Variants in ATP2C2 observed in about 807,000 individuals in gnomAD.
ATP2C2 encodes calcium-transporting ATPase type 2C member 2.
In ATP2C2, 171 loss-of-function variants were observed where a neutral mutation model predicts 110.8. The ratio of observed to expected loss-of-function variants is 1.54; its 90% confidence interval spans 1.36 to 1.75. The LOEUF is 1.75. Among genes scored for constraint, ATP2C2 ranks in the 40% most tolerant of loss-of-function variants. The probability of loss-of-function intolerance (pLI) is 0.00; values close to 1 mark genes in which losing one functional copy is unlikely to be tolerated. For missense variants in ATP2C2, 1,963 were observed against 1,235.0 expected, an observed-to-expected ratio of 1.59 and a Z score of -8.84; for synonymous variants, 804 against 508.4, an observed-to-expected ratio of 1.58 and a Z score of -7.82.
At chr16:84,400,753 A>G (rs1034517259) in intron 2 of ATP2C2, among the ~76,000 whole-genome samples, 3 of 152,214 alleles carry the variant, frequency 2.0e-5, no homozygotes, top group Admixed American at 6.5e-5. Context: ...ACTTTTGGAT[A>G]AAAGCCATTT....
chr16:84,417,080 A>G (rs1022602309), intron 7 of ATP2C2, among the ~76,000 whole-genome samples: 76 of 152,182 alleles, frequency 5.0e-4, no homozygotes, highest in African/African-American at 1.8e-3. Context: ...CCATCATTCA[A>G]AGCCTTGTGA....
In ATP2C2 at chr16:84,425,919, C is replaced by A. The variant is rs531720282; in HGVS notation, c.986+118C>A. 1.4e-5 allele frequency: 18 copies of A among 1,259,166 alleles called. 1 individual carries two copies. The East Asian group carries it at 3.3e-4, about 23-fold the overall frequency. The allele number at this position is 1,259,166 out of a possible 1,614,324, so 78.0% of individuals were successfully genotyped here. On this transcript the variant is annotated intron_variant, in intron 11 of 26. Transcript: ENST00000262429. ...ATAGGAAGGGTTGGGAAGGTGCAGC[C>A]CCGTCACCCAAACTCCAGCCTCCCA...
At position 84,459,171 on chromosome 16, in the gene ATP2C2, C is replaced by G. The variant is rs750942130; in HGVS notation, c.2199C>G (p.Val733=). The change falls in exon 22 of 27, where the codon GTC becomes GTG. Residue 733 remains valine (V), a synonymous_variant. Transcript: ENST00000262429. ...TTTTTTACAACATCAAAAACTTTGTCCGATTCCAGCTGAGCACGTAAGTAG... is the reference window on the plus strand; with the variant it reads ...TTTTTTACAACATCAAAAACTTTGTGCGATTCCAGCTGAGCACGTAAGTAG... ...KGIFYNIKNF[V]RFQLSTSISA... 1.2e-6 allele frequency: 2 copies of G among 1,614,196 alleles called. No homozygotes were observed. Among genetic ancestry groups the G allele is most frequent in the African/African-American group, 1.3e-5 (1 of 75,062 alleles).
chr16:84,376,930 C>G (rs1214037637), intron 1 of ATP2C2, among the ~76,000 whole-genome samples: 1 of 152,216 alleles, frequency 6.6e-6, no homozygotes, highest in African/African-American at 2.4e-5. Flanking sequence ...AACATCCAAT[C>G]GATACCTCCC....
At chr16:84,445,011 C>T (rs999480001) in intron 15 of ATP2C2, among the ~76,000 whole-genome samples, 1 of 152,102 alleles carries the variant, frequency 6.6e-6, no homozygotes, top group Admixed American at 6.5e-5. Flanking sequence ...GTAACCAAAA[C>T]ACACTGAAAC....
chr16:84,459,228 C>G, intron 22 of ATP2C2, 40 bp downstream of exon 22: 1 of 1,614,104 alleles, frequency 6.2e-7, no homozygotes, highest in South Asian at 1.1e-5. Context: ...TTAAGCACCA[C>G]GCCTGGCGGG....
chr16:84,451,511 C>T (rs1233503206), intron 17 of ATP2C2, among the ~76,000 whole-genome samples: 1 of 152,208 alleles, frequency 6.6e-6, no homozygotes, highest in Non-Finnish European at 1.5e-5. Flanking sequence ...GAGCCCTCTG[C>T]AGACCGAGGA....
At chr16:84,386,011 C>A (rs1357732569) in intron 1 of ATP2C2, among the ~76,000 whole-genome samples, 1 of 152,172 alleles carries the variant, frequency 6.6e-6, no homozygotes, top group Non-Finnish European at 1.5e-5. Flanking sequence ...CAACGGGAAC[C>A]CTTTCAAGGT....
At chr16:84,432,756 G>C (rs1002433882) in intron 11 of ATP2C2, among the ~76,000 whole-genome samples, 23 of 152,118 alleles carry the variant, frequency 1.5e-4, no homozygotes, top group Admixed American at 1.5e-3. Context: ...CCTGACCTCA[G>C]GTGATCTGCC....
chr16:84,390,397 G>C (rs1402736765), intron 1 of ATP2C2, among the ~76,000 whole-genome samples: 2 of 152,230 alleles, frequency 1.3e-5, no homozygotes, highest in African/African-American at 4.8e-5. Flanking sequence ...CGTCAGTCCT[G>C]AGCTGCGCTT....
chr16:84,428,536 C>G (rs887050639), intron 11 of ATP2C2, among the ~76,000 whole-genome samples: 5 of 152,016 alleles, frequency 3.3e-5, no homozygotes, highest in African/African-American at 1.2e-4. Context: ...ACACCAAATG[C>G]TGAGAGCACA....
At chr16:84,376,397 T>C (rs1397048088) in intron 1 of ATP2C2, among the ~76,000 whole-genome samples, 3 of 152,194 alleles carry the variant, frequency 2.0e-5, no homozygotes, top group Non-Finnish European at 4.4e-5. Flanking sequence ...ATATAGATTA[T>C]TGGTCTCCAC....
intron 2 of ATP2C2, among the ~76,000 whole-genome samples, chr16:84,403,786 C>T (rs1597772439): frequency 6.6e-6 from 1 of 151,566 alleles, no homozygotes; most frequent in African/African-American, 2.4e-5. Context: ...CGCCTCCCAG[C>T]TTCAAGCGAT....
chr16:84,397,216 C>T (rs1905039961), intron 1 of ATP2C2, among the ~76,000 whole-genome samples: 1 of 151,776 alleles, frequency 6.6e-6, no homozygotes, highest in African/African-American at 2.4e-5. Flanking sequence ...CACGTGGCTT[C>T]TTTCCAGGCC....
intron 1 of ATP2C2, among the ~76,000 whole-genome samples, chr16:84,374,382 T>G (rs1204199326): frequency 6.6e-6 from 1 of 152,222 alleles, no homozygotes; most frequent in African/African-American, 2.4e-5. Flanking sequence ...ATATGCACAC[T>G]GGTGTTATGT....
At position 84,439,243 on chromosome 16, in the gene ATP2C2, C is replaced by G; in HGVS notation, c.1064C>G (p.Ala355Gly). The G allele has an allele frequency of 6.2e-7, 1 of 1,612,330 alleles. No individual in the cohort carries two copies. Among genetic ancestry groups the G allele is most frequent in the South Asian group, 1.1e-5 (1 of 91,000 alleles). Reference sequence around the variant, plus strand: ...CTGGTCCTGGGAGTGCTGCGGATGGCCAAGAAGCGGGTCATCGTGAAGAAG... The same window carrying G: ...CTGGTCCTGGGAGTGCTGCGGATGGGCAAGAAGCGGGTCATCGTGAAGAAG... ...VTLVLGVLRM[A>G]KKRVIVKKLP... Residue 355 changes from alanine (A) to glycine (G), a missense_variant, in exon 12 of 27, where the codon GCC becomes GGC. Transcript: ENST00000262429.
At chr16:84,450,336 C>A (rs1166385976) in intron 17 of ATP2C2, among the ~76,000 whole-genome samples, 2 of 152,144 alleles carry the variant, frequency 1.3e-5, no homozygotes, top group Non-Finnish European at 2.9e-5. Flanking sequence ...AGGCCTGGGA[C>A]AGTGCCCGAG....
At chr16:84,426,307 C>T (rs533551446) in intron 11 of ATP2C2, among the ~76,000 whole-genome samples, 19 of 152,240 alleles carry the variant, frequency 1.2e-4, no homozygotes, top group Admixed American at 6.5e-4. Context: ...CCAGCAAGAA[C>T]GGCTCGAAGG....
intron 7 of ATP2C2, among the ~76,000 whole-genome samples, chr16:84,418,797 G>C (rs1053246901): frequency 6.6e-6 from 1 of 152,272 alleles, no homozygotes; most frequent in Non-Finnish European, 1.5e-5. Flanking sequence ...CCATGTATCC[G>C]TTGCCCATGG....
Sources: gnomAD v4.1 joint callset for allele counts (sites outside exome capture counted in the v4.1 genomes callset) on GRCh38, gnomAD v4.1.1 for gene constraint, MANE v1.5 for transcripts, NCBI Gene and HGNC (gene_info 2026-07-23, HGNC 2026-07-21) for gene names.